PTPRT: variants seen among roughly 807,000 people sequenced by gnomAD.
PTPRT encodes protein tyrosine phosphatase receptor type T.
Under a neutral mutation model 176.8 loss-of-function variants are expected in PTPRT, and 56 were observed. The observed-to-expected ratio is 0.32, with a 90% CI of 0.26 to 0.40. PTPRT has a LOEUF of 0.40. Among genes scored for constraint, PTPRT ranks in the 10% least tolerant of loss-of-function variants. The probability of loss-of-function intolerance (pLI) is 1.00; values close to 1 mark genes in which losing one functional copy is unlikely to be tolerated. For synonymous variants in PTPRT, 783 were observed against 739.0 expected (o/e 1.06, Z -0.96); for missense variants, 1,540 against 1,908.2 (o/e 0.81, Z 3.60).
intron 11 of PTPRT, among the ~76,000 whole-genome samples, chr20:42,322,099 T>C (rs2057807302): frequency 6.6e-6 from 1 of 152,042 alleles, no homozygotes; most frequent in Admixed American, 6.5e-5. Flanking sequence ...TTTCAACAAA[T>C]GTTAAGACTC....
chr20:42,103,070 C>T (rs1986100159), intron 25 of PTPRT, among the ~76,000 whole-genome samples: 1 of 152,240 alleles, frequency 6.6e-6, no homozygotes, highest in African/African-American at 2.4e-5. Context: ...CATTTGCCCA[C>T]TGACTTGAAG....
At chr20:42,217,897 C>T (rs1039867649) in intron 15 of PTPRT, among the ~76,000 whole-genome samples, 5 of 152,166 alleles carry the variant, frequency 3.3e-5, no homozygotes, top group Non-Finnish European at 5.9e-5. Flanking sequence ...AACATAGCTC[C>T]GATTTTCACA....
intron 1 of PTPRT, among the ~76,000 whole-genome samples, chr20:42,994,703 A>G (rs1328028211): frequency 6.6e-6 from 1 of 152,212 alleles, no homozygotes; most frequent in African/African-American, 2.4e-5. Context: ...ATTCACATAA[A>G]TTTTTAAGTT....
chr20:42,894,049 A>G (rs2079247752), intron 1 of PTPRT, among the ~76,000 whole-genome samples: 1 of 152,014 alleles, frequency 6.6e-6, no homozygotes, highest in Non-Finnish European at 1.5e-5. Context: ...TTAAAAAAAA[A>G]AGAACATTTG....
intron 2 of PTPRT, among the ~76,000 whole-genome samples, chr20:42,837,464 G>T (rs780324419): frequency 2.0e-4 from 31 of 152,110 alleles, no homozygotes; most frequent in Non-Finnish European, 3.4e-4. Context: ...CTCCACCATG[G>T]TGACCAAGAG....
chr20:42,301,763 T>C (rs765580040), intron 12 of PTPRT, among the ~76,000 whole-genome samples: 4 of 152,210 alleles, frequency 2.6e-5, no homozygotes, highest in Non-Finnish European at 4.4e-5. Context: ...ATTAACATTC[T>C]TTACACTATT....
chr20:42,106,098 T>C (rs183081195), intron 24 of PTPRT, among the ~76,000 whole-genome samples: 29 of 152,334 alleles, frequency 1.9e-4, no homozygotes, highest in Middle Eastern at 3.4e-3. Flanking sequence ...TTTCTTAGTT[T>C]CTTCTTCATT....
At chr20:42,916,383 G>T (rs549817307) in intron 1 of PTPRT, among the ~76,000 whole-genome samples, 1 of 152,156 alleles carries the variant, frequency 6.6e-6, no homozygotes, top group Admixed American at 6.5e-5. Flanking sequence ...ATTTAGGTTG[G>T]TTCCAAGTCT....
chr20:42,434,596 T>A (rs1455686733), intron 9 of PTPRT, among the ~76,000 whole-genome samples: 2 of 151,392 alleles, frequency 1.3e-5, no homozygotes, highest in Admixed American at 6.6e-5. Flanking sequence ...GAGATACTTC[T>A]GTTACTCTAC....
At chr20:43,051,129 T>C (rs1437439116) in intron 1 of PTPRT, among the ~76,000 whole-genome samples, 1 of 152,186 alleles carries the variant, frequency 6.6e-6, no homozygotes. Flanking sequence ...GCTGAAAGCA[T>C]GTTTGCATGT....
At chr20:42,417,494 A>G (rs1030608264) in intron 9 of PTPRT, among the ~76,000 whole-genome samples, 1 of 152,044 alleles carries the variant, frequency 6.6e-6, no homozygotes, top group African/African-American at 2.4e-5. Context: ...TAGAACTTAA[A>G]TATATATTTT....
At chr20:42,514,875 T>C (rs1035374039) in intron 7 of PTPRT, among the ~76,000 whole-genome samples, 12 of 152,192 alleles carry the variant, frequency 7.9e-5, no homozygotes, top group African/African-American at 2.9e-4. Flanking sequence ...TTTCTGACTT[T>C]TCATCCTGCT....
intron 7 of PTPRT, among the ~76,000 whole-genome samples, chr20:42,520,991 T>C (rs2072164490): frequency 6.6e-6 from 1 of 151,744 alleles, no homozygotes. Flanking sequence ...TATCTGTCTG[T>C]CTGTCTATCT....
the PTPRT span, among the ~76,000 whole-genome samples, chr20:42,040,216 G>A: frequency 6.6e-6 from 1 of 152,186 alleles, no homozygotes; most frequent in African/African-American, 2.4e-5. Flanking sequence ...TAAAGGGGAT[G>A]ATGCCACAGA....
At chr20:42,402,811 GGTGTGTGTGTGTGCATGTGTATGTGCAT>G (rs1254918537) in intron 9 of PTPRT, among the ~76,000 whole-genome samples, 1 of 151,250 alleles carries the variant, frequency 6.6e-6, no homozygotes, top group African/African-American at 2.4e-5. Flanking sequence ...GTGGTTTGGG[GGTGTGTGTGTGTGCATGTGTATGTGCAT>G]GTGTGTGTGT....
At chr20:42,995,837 T>A (rs935413196) in intron 1 of PTPRT, among the ~76,000 whole-genome samples, 6 of 152,126 alleles carry the variant, frequency 3.9e-5, no homozygotes, top group African/African-American at 1.4e-4. Context: ...TAATTTTTTT[T>A]AATAGTCAGC....
At chr20:42,206,500 C>T (rs923770082) in intron 15 of PTPRT, among the ~76,000 whole-genome samples, 3 of 152,290 alleles carry the variant, frequency 2.0e-5, no homozygotes, top group Admixed American at 1.3e-4. Flanking sequence ...GTTCCCTTTC[C>T]GAGTCAAAGA....
chr20:43,047,256 G>T (rs1174976505), intron 1 of PTPRT, among the ~76,000 whole-genome samples: 2 of 152,104 alleles, frequency 1.3e-5, no homozygotes, highest in South Asian at 4.1e-4. Context: ...GTCCCAGTGT[G>T]TCTCCAGTCA....
At chr20:42,836,354 G>C (rs2078180656) in intron 2 of PTPRT, among the ~76,000 whole-genome samples, 1 of 152,158 alleles carries the variant, frequency 6.6e-6, no homozygotes, top group Non-Finnish European at 1.5e-5. Flanking sequence ...TGGCTGCTGA[G>C]ACTTCAGTGC....
Sources: allele counts gnomAD v4.1 joint callset (sites outside exome capture counted in the v4.1 genomes callset), GRCh38; gene constraint gnomAD v4.1.1; transcripts MANE v1.5; gene names NCBI Gene and HGNC (gene_info 2026-07-23, HGNC 2026-07-21).